The following WDR27 variants were observed in gnomAD, a reference collection of about 807,000 sequenced individuals.
The protein encoded by WDR27 is WD repeat-containing protein 27.
In WDR27, 100 loss-of-function variants were observed where a neutral mutation model predicts 114.4. The observed-to-expected ratio is 0.87, with a 90% CI of 0.74 to 1.03. The LOEUF (loss-of-function observed/expected upper bound fraction) is 1.03, where lower values mean the gene tolerates loss of function less well. Ranked by LOEUF, WDR27 falls within the 50% of genes least tolerant of loss-of-function variation. The pLI is 0.00. For synonymous variants in WDR27, 449 were observed against 423.1 expected (o/e 1.06, Z -0.75); for missense variants, 1,129 against 1,092.9 (o/e 1.03, Z -0.47).
the WDR27 span, among the ~76,000 whole-genome samples, chr6:169,434,818 C>G: frequency 6.6e-6 from 1 of 152,240 alleles, no homozygotes; most frequent in Non-Finnish European, 1.5e-5. Flanking sequence ...AGAAAACACA[C>G]TTTCTGGGAG....
chr6:169,503,889 T>C (rs1791664220), intron 25 of WDR27, among the ~76,000 whole-genome samples: 1 of 151,966 alleles, frequency 6.6e-6, no homozygotes, highest in Non-Finnish European at 1.5e-5. Context: ...ATGTCCCTGG[T>C]GTGGTGTGCT....
intron 2 of WDR27, among the ~76,000 whole-genome samples, chr6:169,678,028 C>T (rs1780509876): frequency 6.6e-6 from 1 of 152,250 alleles, no homozygotes; most frequent in Non-Finnish European, 1.5e-5. Flanking sequence ...AGAGCTTCTA[C>T]TAGGGCAGTG....
At chr6:169,464,675 A>C (rs1459665521) in intron 25 of WDR27, among the ~76,000 whole-genome samples, 2 of 152,242 alleles carry the variant, frequency 1.3e-5, no homozygotes, top group Non-Finnish European at 2.9e-5. Flanking sequence ...TCCACTTCTA[A>C]CAAGGGATGT....
chr6:169,614,322 T>C (rs1012702967), intron 21 of WDR27, among the ~76,000 whole-genome samples: 4 of 152,222 alleles, frequency 2.6e-5, no homozygotes, highest in African/African-American at 9.6e-5. Flanking sequence ...GAAGGATAGA[T>C]GTGCCTACAA....
rs377226173 is a variant in WDR27, at chr6:169,659,148, C to T, written c.1257G>A (p.Pro419=). ...GGKIAVLEIN[P]AALVRAQQCP... Reference sequence around the variant, plus strand: ...ACTGCTGAGCCCTGACTAGCGCGGCCGGGTTGATCTCCAACACGGCAATCT... The same window carrying T: ...ACTGCTGAGCCCTGACTAGCGCGGCTGGGTTGATCTCCAACACGGCAATCT... The change falls in exon 12 of 26, where the codon CCG becomes CCA. Residue 419 remains proline, a synonymous_variant. Coordinates refer to ENST00000448612, the MANE Select transcript of WDR27 (RefSeq NM_182552.5). The surrounding 1 kb of genome is among the most constrained non-coding windows in gnomAD (Gnocchi z 4.3). 21 of 1,611,484 alleles carry T rather than the reference C, an allele frequency of 1.3e-5. No homozygotes were observed. Among genetic ancestry groups the T allele is most frequent in the African/African-American group, 2.7e-5 (2 of 74,742 alleles).
chr6:169,463,913 C>T (rs1785218033), intron 25 of WDR27, among the ~76,000 whole-genome samples: 1 of 152,090 alleles, frequency 6.6e-6, no homozygotes. Flanking sequence ...AAACACTTCC[C>T]ATGTTCATAA....
intron 23 of WDR27, among the ~76,000 whole-genome samples, chr6:169,601,296 T>C (rs886386566): frequency 1.1e-4 from 16 of 152,324 alleles, no homozygotes; most frequent in African/African-American, 3.8e-4. Context: ...CTTGAAGTTA[T>C]TTCTAAACAG....
At chr6:169,661,362 G>A (rs1038442604) in intron 9 of WDR27, among the ~76,000 whole-genome samples, 25 of 152,286 alleles carry the variant, frequency 1.6e-4, no homozygotes, top group African/African-American at 6.0e-4. Flanking sequence ...GGCCCGAGGC[G>A]GCAGAGTTAA....
At chr6:169,584,781 A>C (rs989347983) in intron 23 of WDR27, among the ~76,000 whole-genome samples, 6 of 152,178 alleles carry the variant, frequency 3.9e-5, no homozygotes, top group Non-Finnish European at 7.3e-5. Context: ...GAGTTGCAAG[A>C]GTTCTTTATA....
At chr6:169,614,124 G>A (rs539777577) in intron 21 of WDR27, among the ~76,000 whole-genome samples, 33 of 152,178 alleles carry the variant, frequency 2.2e-4, no homozygotes, top group African/African-American at 6.7e-4. Flanking sequence ...CTCGAGTCCC[G>A]GCCCTGACTC....
rs1178347873 is a variant in WDR27 at position 169,684,170 on chromosome 6, G to C, written c.189+4647C>G. 1.3e-5 allele frequency among the ~76,000 whole-genome samples: 2 copies of C among 152,130 alleles called. No homozygotes were observed. Among genetic ancestry groups the C allele is most frequent in the Non-Finnish European group, 2.9e-5 (2 of 68,016 alleles). On this transcript the variant is annotated intron_variant, in intron 2 of 25. Coordinates refer to ENST00000448612, the MANE Select transcript of WDR27 (RefSeq NM_182552.5). This position sits in a 1 kb window ranked among gnomAD's most constrained non-coding sequence, Gnocchi z 4.3. ...ACCCTCGCCACTGCACTTCCAGCCA[G>C]AGAAACAACCCAGCACTCCTGCCAA...
intron 2 of WDR27, among the ~76,000 whole-genome samples, chr6:169,683,342 A>G (rs1291396110): frequency 6.6e-6 from 1 of 152,232 alleles, no homozygotes; most frequent in Non-Finnish European, 1.5e-5. Context: ...AGGGAGACCC[A>G]ACATGCCTGG....
chr6:169,654,715 G>GCT (rs1162773421), intron 13 of WDR27, among the ~76,000 whole-genome samples: 1 of 149,800 alleles, frequency 6.7e-6, no homozygotes, highest in African/African-American at 2.5e-5. Context: ...GGCGCGCACA[G>GCT]GAGAAGGAGG....
intron 25 of WDR27, among the ~76,000 whole-genome samples, chr6:169,555,092 A>G (rs910009416): frequency 5.9e-5 from 9 of 152,190 alleles, no homozygotes; most frequent in Admixed American, 2.6e-4. Flanking sequence ...TAAAAATGAA[A>G]AACTATTCTT....
chr6:169,487,941 T>C (rs559889383), intron 25 of WDR27, among the ~76,000 whole-genome samples: 2 of 152,258 alleles, frequency 1.3e-5, no homozygotes, highest in African/African-American at 4.8e-5. Flanking sequence ...GCTGAGCCCT[T>C]TTACTCCCAC....
At chr6:169,542,839 T>G (rs949749859) in intron 25 of WDR27, among the ~76,000 whole-genome samples, 1 of 152,106 alleles carries the variant, frequency 6.6e-6, no homozygotes, top group African/African-American at 2.4e-5. Context: ...TCTTAAATTT[T>G]CCAGTAGCCA....
At chr6:169,495,871 A>C (rs1790337350) in intron 25 of WDR27, among the ~76,000 whole-genome samples, 1 of 152,022 alleles carries the variant, frequency 6.6e-6, no homozygotes, top group Admixed American at 6.6e-5. Context: ...ATTCTGCTCC[A>C]ACTTTTCCAA....
intron 25 of WDR27, among the ~76,000 whole-genome samples, chr6:169,491,453 A>C (rs1789746851): frequency 6.6e-6 from 1 of 152,028 alleles, no homozygotes; most frequent in South Asian, 2.1e-4. Flanking sequence ...TGAAGTTTTT[A>C]ATTCATGCTC....
At chr6:169,514,452 C>A (rs1461028646) in intron 25 of WDR27, among the ~76,000 whole-genome samples, 1 of 146,314 alleles carries the variant, frequency 6.8e-6, no homozygotes, top group African/African-American at 2.5e-5. Context: ...TGTTAATATA[C>A]CAAAAAAATG....
Sources: allele counts gnomAD v4.1 joint callset (sites outside exome capture counted in the v4.1 genomes callset), GRCh38; gene constraint gnomAD v4.1.1; non-coding constraint Gnocchi (gnomAD v3.1); transcripts MANE v1.5; gene names NCBI Gene and HGNC (gene_info 2026-07-23, HGNC 2026-07-21).